HCRTR2: variants seen among roughly 807,000 people sequenced by gnomAD.
The protein encoded by HCRTR2 is hypocretin receptor 2, also known as orexin receptor type 2.
HCRTR2 carries 22 observed loss-of-function variants against 49.0 expected under a neutral mutation model. The observed-to-expected ratio is 0.45, with a 90% CI of 0.32 to 0.64. The LOEUF is 0.64. Ranked by LOEUF, HCRTR2 falls within the 30% of genes least tolerant of loss-of-function variation. The pLI is 0.04. For synonymous variants in HCRTR2, 236 were observed against 205.3 expected, an observed-to-expected ratio of 1.15 and a Z score of -1.28; for missense variants, 491 against 559.4, an observed-to-expected ratio of 0.88 and a Z score of 1.23.
Position 55,255,354 on chromosome 6 carries a change from T to C in HCRTR2, c.621T>C (p.Phe207=). The C allele has an allele frequency of 1.2e-6, 2 of 1,614,038 alleles. No homozygotes were observed. The highest frequency in any genetic ancestry group is 1.3e-5 in the African/African-American group (1 of 75,034). Residue 207 remains phenylalanine (F), a synonymous_variant, in exon 3 of 7, where the codon TTT becomes TTC. Transcript: ENST00000370862. The part of the protein sequence containing the change: ...FPGLANKTTL[F]TVCDERWGGE... ...GCTTAGCCAATAAAACCACCCTCTT[T>C]ACGGTGTGTGATGAGCGCTGGGGTG... is the stretch of plus-strand genomic sequence containing the variant.
chr6:55,169,829 A>G (rs1166678768), upstream of HCRTR2, among the ~76,000 whole-genome samples: 3 of 152,206 alleles, frequency 2.0e-5, no homozygotes, highest in East Asian at 1.9e-4. Flanking sequence ...CAGTTCACCA[A>G]TGGACTGAGA....
At chr6:55,108,760 A>T (rs186928669) in intron 1 of HCRTR2, among the ~76,000 whole-genome samples, 1 of 152,002 alleles carries the variant, frequency 6.6e-6, no homozygotes, top group Non-Finnish European at 1.5e-5. Context: ...AGAAGAAAAC[A>T]TCTGGCTTTT....
intron 1 of HCRTR2, among the ~76,000 whole-genome samples, chr6:55,166,818 T>A (rs935649676): frequency 6.6e-6 from 1 of 152,086 alleles, no homozygotes; most frequent in Non-Finnish European, 1.5e-5. Flanking sequence ...CATCAACTGC[T>A]GAATAGATAA....
At chr6:55,221,610 G>C (rs183915262) in intron 1 of HCRTR2, among the ~76,000 whole-genome samples, 1 of 152,024 alleles carries the variant, frequency 6.6e-6, no homozygotes, top group Non-Finnish European at 1.5e-5. Flanking sequence ...TCAGAAGATC[G>C]AGACCATCCT....
Position 55,282,209 on chromosome 6 carries a change from T to C in HCRTR2, c.1106-16T>C. On this transcript the variant is annotated splice_polypyrimidine_tract_variant and intron_variant, in intron 6 of 6. Transcript: ENST00000370862. ...TATGTATAATTCCTTTTCCTTTCAT[T>C]CTCTCTGTTTGCCAGGAAAATTTCG... 6.3e-7 allele frequency: 1 copy of C among 1,576,850 alleles called. No homozygotes were observed. The highest frequency in any genetic ancestry group is 8.7e-7 in the Non-Finnish European group (1 of 1,147,232).
Position 55,174,537 on chromosome 6 carries a change from G to T in HCRTR2, c.-51G>T. On this transcript the variant is annotated 5_prime_UTR_variant, in exon 1 of 7. Coordinates refer to ENST00000370862, the MANE Select transcript of HCRTR2 (RefSeq NM_001384272.1). ...ACCGCAAATCACCAGTGCTCATGGG[G>T]CAGGCGGAGAGGAGCTTGCAGCATT... The T allele has an allele frequency of 6.9e-7, 1 of 1,443,744 alleles. No homozygotes were observed. The highest frequency in any genetic ancestry group is 1.7e-5 in the Admixed American group (1 of 59,798). The allele number at this position is 1,443,744 out of a possible 1,614,324, so 89.4% of individuals were successfully genotyped here. A position where few individuals can be genotyped will look rare whatever the true frequency, so the allele number is the denominator to read the frequency against.
intron 4 of HCRTR2, among the ~76,000 whole-genome samples, chr6:55,276,248 T>C (rs1767074629): frequency 6.6e-6 from 1 of 152,202 alleles, no homozygotes; most frequent in Non-Finnish European, 1.5e-5. Flanking sequence ...GGCAGGTCTT[T>C]GTTAACATCA....
intron 5 of HCRTR2, 60 bp downstream of exon 5, chr6:55,277,660 C>T (rs1581874252): frequency 7.2e-5 from 67 of 933,732 alleles, no homozygotes; most frequent in Non-Finnish European, 8.2e-5. Context: ...TCTTAATTAA[C>T]TTTTTTTTTT....
chr6:55,207,179 C>T (rs1765616548), intron 1 of HCRTR2, among the ~76,000 whole-genome samples: 1 of 151,942 alleles, frequency 6.6e-6, no homozygotes, highest in Non-Finnish European at 1.5e-5. Context: ...GAAATAAATT[C>T]TAAATTTTAT....
intron 1 of HCRTR2, among the ~76,000 whole-genome samples, chr6:55,128,946 G>A (rs1450953902): frequency 6.6e-6 from 1 of 152,006 alleles, no homozygotes; most frequent in African/African-American, 2.4e-5. Context: ...CAAATCTAAT[G>A]GCTTATTTCT....
chr6:55,279,196 T>C (rs1767139759), intron 5 of HCRTR2, among the ~76,000 whole-genome samples: 1 of 152,008 alleles, frequency 6.6e-6, no homozygotes, highest in African/African-American at 2.4e-5. Context: ...CCACACACAT[T>C]TTTTTTCAAA....
rs866899253 is a variant in HCRTR2, at chr6:55,149,893, C to A, written c.-377-24318C>A. On this transcript the variant is annotated intron_variant, in intron 1 of 7. Coordinates refer to the HCRTR2 transcript ENST00000615358. ...TTTAGAATGTTTGATAAAGCTAAAT[C>A]ACTTTAATGTTGTATTTCACTAAAC... 2.0e-5 allele frequency among the ~76,000 whole-genome samples: 3 copies of A among 152,002 alleles called. No homozygotes were observed. The South Asian group carries it at 6.2e-4, about 31-fold the overall frequency.
intron 1 of HCRTR2, among the ~76,000 whole-genome samples, chr6:55,200,232 G>T (rs1181082496): frequency 1.7e-5 from 2 of 118,328 alleles, no homozygotes; most frequent in African/African-American, 6.3e-5. Context: ...CTTGTTTGCT[G>T]TCTTGTGTGT....
intron 1 of HCRTR2, among the ~76,000 whole-genome samples, chr6:55,150,660 G>A (rs1345382582): frequency 6.6e-6 from 1 of 151,884 alleles, no homozygotes; most frequent in African/African-American, 2.4e-5. Flanking sequence ...CATTGCAAAT[G>A]GCAAGATTTC....
chr6:55,229,231 G>A (rs1173711181), intron 1 of HCRTR2, among the ~76,000 whole-genome samples: 3 of 152,250 alleles, frequency 2.0e-5, no homozygotes, highest in African/African-American at 4.8e-5. Context: ...GTCTTGCTAT[G>A]TTGTCCAAGC....
At chr6:55,248,083 A>G (rs1581855373) in intron 1 of HCRTR2, among the ~76,000 whole-genome samples, 1 of 152,096 alleles carries the variant, frequency 6.6e-6, no homozygotes, top group African/African-American at 2.4e-5. Context: ...TTGTCCCTTA[A>G]GATTGTTGTC....
chr6:55,168,948 A>T (rs1000867057), intron 1 of HCRTR2, among the ~76,000 whole-genome samples: 4 of 152,002 alleles, frequency 2.6e-5, no homozygotes, highest in Non-Finnish European at 5.9e-5. Flanking sequence ...GTCTGGCACC[A>T]ACTCCCTCTC....
At chr6:55,148,018 T>A (rs1023051406) in intron 1 of HCRTR2, among the ~76,000 whole-genome samples, 1 of 147,806 alleles carries the variant, frequency 6.8e-6, no homozygotes, top group African/African-American at 2.4e-5. Context: ...TCTGCCTGAA[T>A]GGACTTTAGT....
intron 1 of HCRTR2, among the ~76,000 whole-genome samples, chr6:55,107,377 T>C (rs1449587426): frequency 6.6e-6 from 1 of 152,132 alleles, no homozygotes; most frequent in African/African-American, 2.4e-5. Context: ...TTGTTTTCGG[T>C]TTCAGAGATA....
Sources: gnomAD v4.1 joint callset for allele counts (sites outside exome capture counted in the v4.1 genomes callset) on GRCh38, gnomAD v4.1.1 for gene constraint, MANE v1.5 for transcripts, NCBI Gene and HGNC (gene_info 2026-07-23, HGNC 2026-07-21) for gene names.